The following CASQ1 variants were observed in gnomAD, a reference collection of about 807,000 sequenced individuals.
CASQ1 encodes the protein calsequestrin 1.
Under a neutral mutation model 49.5 loss-of-function variants are expected in CASQ1, and 40 were observed. That is an observed-to-expected ratio of 0.81 (90% CI 0.63 to 1.05). The LOEUF (loss-of-function observed/expected upper bound fraction) is 1.05. CASQ1 is among the 50% of genes least tolerant of loss of function. The probability of loss-of-function intolerance (pLI) is 0.00; values close to 1 mark genes in which losing one functional copy is unlikely to be tolerated. For synonymous variants in CASQ1, 174 were observed against 187.2 expected (o/e 0.93, Z 0.58); for missense variants, 469 against 486.9 (o/e 0.96, Z 0.35).
At chr1:160,195,613 C>T in intron 5 of CASQ1, 79 bp downstream of exon 5, 1 of 1,327,400 alleles carries the variant, frequency 7.5e-7, no homozygotes, top group Non-Finnish European at 1.1e-6. Flanking sequence ...GAATCGATGG[C>T]TGACCTGGTC....
chr1:160,193,950 A>G, intron 3 of CASQ1, 103 bp downstream of exon 3: 1 of 712,840 alleles, frequency 1.4e-6, no homozygotes, highest in Admixed American at 2.1e-5. Context: ...CACCACACAC[A>G]CACACATACA....
At position 160,199,949 on chromosome 1, in the gene CASQ1, G is replaced by A. The variant is rs755049206; in HGVS notation, c.1059+24G>A. The A allele has an allele frequency of 4.6e-6, 7 of 1,533,810 alleles. No individual in the cohort carries two copies. The Admixed American group carries it at 1.0e-4, about 22-fold the overall frequency. The stretch of plus-strand genomic sequence containing the variant: ...ATGTGAGTTTCCTGTCCTCATCCCG[G>A]GTTGACCCCCGACTCTACTTCCTAG... On this transcript the variant is annotated intron_variant, in intron 10 of 10. Transcript: ENST00000368078.
chr1:160,196,474 CTTCT>C (rs1389114947), intron 6 of CASQ1, among the ~76,000 whole-genome samples: 2 of 150,534 alleles, frequency 1.3e-5, no homozygotes, highest in African/African-American at 2.5e-5. Context: ...TTTTCTTCTT[CTTCT>C]TTTTTTTTTT....
rs775058641 is a variant in CASQ1, at chr1:160,190,728, G to A, written c.-24G>A. On this transcript the variant is annotated 5_prime_UTR_variant, in exon 1 of 11. Coordinates refer to ENST00000368078, the MANE Select transcript of CASQ1 (RefSeq NM_001231.5). ...AGCTAACCTCTTCTGGACCAGGAGA[G>A]CCAACCCAGATCCCACTACCTCCAT... The A allele has an allele frequency of 3.7e-6, 6 of 1,605,634 alleles. No individual in the cohort carries two copies. Among genetic ancestry groups the A allele is most frequent in the Non-Finnish European group, 5.1e-6 (6 of 1,173,758 alleles).
At chr1:160,193,188 C>A (rs1654118939) in intron 2 of CASQ1, among the ~76,000 whole-genome samples, 1 of 152,040 alleles carries the variant, frequency 6.6e-6, no homozygotes, top group Non-Finnish European at 1.5e-5. Context: ...GGAATACAGG[C>A]GGGGCTGGCC....
intron 3 of CASQ1, among the ~76,000 whole-genome samples, chr1:160,194,575 C>T (rs1654166802): frequency 6.7e-6 from 1 of 149,090 alleles, no homozygotes; most frequent in African/African-American, 2.5e-5. Context: ...ACCTGCACAC[C>T]ACACATGCAC....
intron 10 of CASQ1, among the ~76,000 whole-genome samples, chr1:160,200,990 C>G (rs1654358144): frequency 6.6e-6 from 1 of 152,200 alleles, no homozygotes; most frequent in African/African-American, 2.4e-5. Context: ...TAGGGAAGTT[C>G]AGTGTGGCAA....
At position 160,201,258 on chromosome 1, in the gene CASQ1, G is replaced by A; in HGVS notation, c.1073G>A (p.Trp358Ter). Reference sequence around the variant, plus strand: ...GCCATCTCCTAGGCGGATAGCGTATGGATGGAAATGGACGATGAGGAGGAC... The same window carrying A: ...GCCATCTCCTAGGCGGATAGCGTATAGATGGAAATGGACGATGAGGAGGAC... ...VVNVTDADSV[W>*]MEMDDEEDLP... The change falls in exon 11 of 11, where the codon TGG becomes TAG. Residue 358 changes from tryptophan to a stop codon, truncating the protein, a stop_gained. Transcript: ENST00000368078. LOFTEE classifies it high-confidence loss of function. 1 of 1,613,264 alleles carries A rather than the reference G, an allele frequency of 6.2e-7. No individual in the cohort carries two copies.
chr1:160,196,263 AGT>A (rs1182766057), intron 6 of CASQ1, among the ~76,000 whole-genome samples: 1 of 152,112 alleles, frequency 6.6e-6, no homozygotes, highest in Non-Finnish European at 1.5e-5. Flanking sequence ...TGTATAATTC[AGT>A]GTGAGGTTGA....
Position 160,201,737 on chromosome 1 carries a change from ACTCT to A in CASQ1, c.*366_*369del, listed in dbSNP as rs543903031. 8.0e-5 allele frequency: 22 copies of A among 274,294 alleles called. No homozygotes were observed. The highest frequency in any genetic ancestry group is 3.9e-4 in the African/African-American group (18 of 45,804). 17.0% of individuals were successfully genotyped at this position (274,294 alleles called of 1,614,324 possible). The stretch of plus-strand genomic sequence containing the variant: ...CTCCATCTATGCACAGCTTTCCCCC[ACTCT>A]CTCTAATCCTGTATCTTTCTGACTG... On this transcript the variant is annotated 3_prime_UTR_variant, in exon 11 of 11. Transcript: ENST00000368078.
intron 9 of CASQ1, 75 bp downstream of exon 9, chr1:160,199,128 G>A (rs1654311975): frequency 1.0e-6 from 1 of 963,106 alleles, no homozygotes; most frequent in South Asian, 1.3e-5. Context: ...TGAGGGCTTT[G>A]TTTCAGAGGT....
rs753969914 is a variant in CASQ1 at position 160,195,538 on chromosome 1, C to T, written c.651+4C>T. The T allele has an allele frequency of 3.1e-6, 5 of 1,612,402 alleles. No homozygotes were observed. The highest frequency in any genetic ancestry group is 4.2e-6 in the Non-Finnish European group (5 of 1,178,612). On this transcript the variant is annotated splice_donor_region_variant and intron_variant, in intron 5 of 10. Transcript: ENST00000368078. ...CTTCGCCACCTTCGACAGCAAGGTT[C>T]TCCTCCCCGCAGCTGTATTGGTTCT... is the stretch of plus-strand genomic sequence containing the variant.
rs1355258861 is a variant in CASQ1 at position 160,199,286 on chromosome 1, A to G, written c.984+233A>G. Reference sequence around the variant, plus strand: ...AGAGCAGAGGCTGGATGGGTAGCTCAGGTGCTAGGGCTGACTCCTAAAGAA... The same window carrying G: ...AGAGCAGAGGCTGGATGGGTAGCTCGGGTGCTAGGGCTGACTCCTAAAGAA... On this transcript the variant is annotated intron_variant, in intron 9 of 10. Coordinates refer to ENST00000368078, the MANE Select transcript of CASQ1 (RefSeq NM_001231.5). Among the ~76,000 whole-genome samples, 6 of 152,192 alleles carry G rather than the reference A, an allele frequency of 3.9e-5. No homozygotes were observed. In the East Asian group the frequency reaches 1.2e-3, roughly 29 times the overall value.
intron 1 of CASQ1, among the ~76,000 whole-genome samples, chr1:160,191,682 A>G (rs1571046695): frequency 6.6e-6 from 1 of 152,152 alleles, no homozygotes; most frequent in East Asian, 1.9e-4. Flanking sequence ...TTTGTGGGAA[A>G]AGTCTCCTCA....
chr1:160,198,821 T>C, intron 8 of CASQ1, 90 bp downstream of exon 8: 1 of 1,331,840 alleles, frequency 7.5e-7, no homozygotes, highest in Non-Finnish European at 1.1e-6. Context: ...GAGGCTTTCC[T>C]GGGAGTTTGC....
chr1:160,197,885 G>T (rs1371150190), intron 7 of CASQ1, among the ~76,000 whole-genome samples: 1 of 152,188 alleles, frequency 6.6e-6, no homozygotes, highest in Non-Finnish European at 1.5e-5. Flanking sequence ...AGGGTGTGGT[G>T]GCGGGCGCCT....
At position 160,198,922 on chromosome 1, in the gene CASQ1, C is replaced by G. The variant is rs768533099; in HGVS notation, c.884-31C>G. The G allele has an allele frequency of 4.3e-6, 6 of 1,409,276 alleles. No homozygotes were observed. 87.3% of individuals were successfully genotyped at this position (1,409,276 alleles called of 1,614,324 possible). ...CCTGGGTCCCTTTCCTCTCTACACA[C>G]CTCATACCTTGTACTTGTGTTCCCT... On this transcript the variant is annotated intron_variant, in intron 8 of 10. Transcript: ENST00000368078.
Position 160,198,665 on chromosome 1 carries a change from AC to A in CASQ1, c.829-7del. The A allele has an allele frequency of 6.2e-7, 1 of 1,609,892 alleles. No homozygotes were observed. Among genetic ancestry groups the A allele is most frequent in the Non-Finnish European group, 8.5e-7 (1 of 1,176,386 alleles). ...TCTCCAAAACCCTGTTCTCCTTCTT[AC>A]CCCCTGACAGGAGGATGATATGGAT... On this transcript the variant is annotated splice_polypyrimidine_tract_variant and intron_variant, in intron 7 of 10. Coordinates refer to ENST00000368078, the MANE Select transcript of CASQ1 (RefSeq NM_001231.5).
In CASQ1 at chr1:160,193,788, G is replaced by T. The variant is rs749949715; in HGVS notation, c.406G>T (p.Glu136Ter). The T allele has an allele frequency of 1.7e-5, 28 of 1,612,904 alleles. No individual in the cohort carries two copies. Among genetic ancestry groups the T allele is most frequent in the South Asian group, 7.7e-5 (7 of 91,046 alleles). Residue 136 changes from glutamate to a stop codon, truncating the protein, a stop_gained, in exon 3 of 11, where the codon GAA becomes TAA. Transcript: ENST00000368078. LOFTEE classifies it high-confidence loss of function. ...VDSMYVFKGD[E>*]VIEYDGEFSA... ...CAGCATGTATGTATTCAAGGGAGAT[G>T]AAGTCATTGAGTACGATGGCGAGTT...
Sources: allele counts gnomAD v4.1 joint callset (sites outside exome capture counted in the v4.1 genomes callset), GRCh38; gene constraint gnomAD v4.1.1; transcripts MANE v1.5; gene names NCBI Gene and HGNC (gene_info 2026-07-23, HGNC 2026-07-21).